PIAS1: variants seen among roughly 807,000 people sequenced by gnomAD.
PIAS1 encodes protein inhibitor of activated STAT 1, also known as E3 SUMO-protein ligase PIAS1.
PIAS1 carries 6 observed loss-of-function variants against 71.3 expected under a neutral mutation model. The ratio of observed to expected loss-of-function variants is 0.08; its 90% confidence interval spans 0.05 to 0.17. The LOEUF is 0.17. Ranked by LOEUF, PIAS1 falls within the 10% of genes least tolerant of loss-of-function variation. The probability of loss-of-function intolerance (pLI) is 1.00; values close to 1 mark genes in which losing one functional copy is unlikely to be tolerated. For missense variants in PIAS1, 555 were observed against 793.6 expected, an observed-to-expected ratio of 0.70 and a Z score of 3.61; for synonymous variants, 303 against 292.9, an observed-to-expected ratio of 1.03 and a Z score of -0.35.
intron 2 of PIAS1, among the ~76,000 whole-genome samples, chr15:68,126,418 CT>C (rs1267724345): frequency 2.0e-5 from 3 of 151,868 alleles, no homozygotes; most frequent in East Asian, 1.9e-4. Flanking sequence ...ACAGATGTTT[CT>C]TTTTTTTAAA....
chr15:68,158,357 A>G (rs932082720), intron 7 of PIAS1, among the ~76,000 whole-genome samples: 1 of 152,098 alleles, frequency 6.6e-6, no homozygotes, highest in African/African-American at 2.4e-5. Flanking sequence ...TTTGTGCTCT[A>G]TGCCTCAAAA....
intron 2 of PIAS1, among the ~76,000 whole-genome samples, chr15:68,125,270 C>T (rs755892916): frequency 1.3e-5 from 2 of 151,942 alleles, no homozygotes; most frequent in African/African-American, 2.4e-5. Flanking sequence ...TGAGGTAATT[C>T]TGTCAATTTC....
chr15:68,176,209 C>T (rs2093019331), intron 10 of PIAS1, among the ~76,000 whole-genome samples: 1 of 152,080 alleles, frequency 6.6e-6, no homozygotes, highest in South Asian at 2.1e-4. Flanking sequence ...ATACCGTCTG[C>T]TCTCAAATTA....
rs752620644 is a variant in PIAS1 at position 68,145,868 on chromosome 15, C to G, written c.655C>G (p.Leu219Val). The change falls in exon 5 of 14, where the codon CTT becomes GTT. Residue 219 changes from leucine to valine, a missense_variant. Physicochemically the swap from Leu to Val is conservative, Grantham distance 32. Coordinates refer to ENST00000249636, the MANE Select transcript of PIAS1 (RefSeq NM_016166.3). ...CPQEDHFPPN[L>V]CVKVNTKPCS... The stretch of plus-strand genomic sequence containing the variant: ...ACAAGAAGATCACTTCCCACCCAAT[C>G]TTTGTGTGAAAGTGAATACAAAACC... 1 of 1,612,192 alleles carries G rather than the reference C, an allele frequency of 6.2e-7. No homozygotes were observed. The highest frequency in any genetic ancestry group is 1.1e-5 in the South Asian group (1 of 91,028).
rs1398265292 is a variant in PIAS1 at position 68,076,422 on chromosome 15, A to G, written c.25-9884A>G. 5.3e-5 allele frequency among the ~76,000 whole-genome samples: 8 copies of G among 152,016 alleles called. No homozygotes were observed. The East Asian group carries it at 1.5e-3, about 29-fold the overall frequency. ...CTCGGGAGGCTGAGGCAGGAGAATC[A>G]CTTGAACCCAGGAGGCACAGGTTGC... is the stretch of plus-strand genomic sequence containing the variant. On this transcript the variant is annotated intron_variant, in intron 1 of 13. Transcript: ENST00000249636.
At chr15:68,079,252 A>G (rs2092202988) in intron 1 of PIAS1, among the ~76,000 whole-genome samples, 1 of 152,024 alleles carries the variant, frequency 6.6e-6, no homozygotes, top group Non-Finnish European at 1.5e-5. Flanking sequence ...AGACTAGTTT[A>G]TTTCTATGTG....
chr15:68,075,333 A>T (rs527587179), intron 1 of PIAS1, among the ~76,000 whole-genome samples: 1 of 151,862 alleles, frequency 6.6e-6, no homozygotes, highest in South Asian at 2.1e-4. Context: ...TGATCCGCCC[A>T]CCTCGGCCTC....
intron 2 of PIAS1, among the ~76,000 whole-genome samples, chr15:68,089,632 G>A (rs1258262317): frequency 2.0e-5 from 3 of 151,968 alleles, no homozygotes; most frequent in African/African-American, 4.8e-5. Context: ...TAGGCTCACT[G>A]CAACCTCCGC....
At chr15:68,069,753 G>T (rs1010020659) in intron 1 of PIAS1, among the ~76,000 whole-genome samples, 1 of 144,994 alleles carries the variant, frequency 6.9e-6, no homozygotes, top group African/African-American at 2.6e-5. Flanking sequence ...GCAGTGAGCC[G>T]ACATTGTGCC....
chr15:68,104,614 A>C (rs992052037), intron 2 of PIAS1, among the ~76,000 whole-genome samples: 1 of 152,166 alleles, frequency 6.6e-6, no homozygotes, highest in South Asian at 2.1e-4. Flanking sequence ...GGAGGTAGTG[A>C]TGATGGTGGT....
intron 7 of PIAS1, among the ~76,000 whole-genome samples, chr15:68,161,973 T>A (rs1339351608): frequency 6.6e-6 from 1 of 151,670 alleles, no homozygotes; most frequent in Non-Finnish European, 1.5e-5. Flanking sequence ...AGGATCTCAC[T>A]CTGTCACCCA....
Position 68,185,457 on chromosome 15 carries a change from G to T in PIAS1, c.1662+1790G>T, listed in dbSNP as rs1003756812. Among the ~76,000 whole-genome samples the T allele has an allele frequency of 3.9e-5, 6 of 152,220 alleles. No homozygotes were observed. The South Asian group carries it at 1.2e-3, about 31-fold the overall frequency. ...CATGGCAAACAACTTTAACCTAGAT[G>T]TAGATGAGGATGACATTGAGAAGCT... On this transcript the variant is annotated intron_variant, in intron 13 of 13. Transcript: ENST00000249636. The surrounding 1 kb of genome is among the most constrained non-coding windows in gnomAD (Gnocchi z 4.4).
rs1000802747 is a variant in PIAS1, at chr15:68,188,380, G to C, written c.*545G>C. ...TTAAGTTATAAAGCTCATCTGTCCCGCTGCATTCCCTGTGTATTTTCAGGA... is the reference window on the plus strand; with the variant it reads ...TTAAGTTATAAAGCTCATCTGTCCCCCTGCATTCCCTGTGTATTTTCAGGA... On this transcript the variant is annotated 3_prime_UTR_variant, in exon 14 of 14. Transcript: ENST00000249636. 6.5e-6 allele frequency: 1 copy of C among 153,934 alleles called. No homozygotes were observed. Among genetic ancestry groups the C allele is most frequent in the Non-Finnish European group, 1.4e-5 (1 of 69,246 alleles). 9.5% of individuals were successfully genotyped at this position (153,934 alleles called of 1,614,324 possible). A position where few individuals can be genotyped will look rare whatever the true frequency, so the allele number is the denominator to read the frequency against.
chr15:68,091,971 G>A (rs1251242686), intron 2 of PIAS1, among the ~76,000 whole-genome samples: 1 of 152,136 alleles, frequency 6.6e-6, no homozygotes, highest in Admixed American at 6.5e-5. Flanking sequence ...GCCATCTGTA[G>A]TCATATAAAA....
Position 68,174,982 on chromosome 15 carries a change from T to C in PIAS1, c.1170-655T>C, listed in dbSNP as rs1172145252. ...CTTTAGGTTCTCCCATTTCTTGTTA[T>C]AAAAGCCATGTACACACATACTCTT... On this transcript the variant is annotated intron_variant, in intron 9 of 13. Coordinates refer to ENST00000249636, the MANE Select transcript of PIAS1 (RefSeq NM_016166.3). The surrounding 1 kb of genome is among the most constrained non-coding windows in gnomAD (Gnocchi z 4.0). 2.0e-5 allele frequency among the ~76,000 whole-genome samples: 3 copies of C among 152,212 alleles called. No individual in the cohort carries two copies. In the East Asian group the frequency reaches 5.8e-4, roughly 29 times the overall value.
chr15:68,136,155 C>T lies in PIAS1; in HGVS notation c.470-5791C>T, dbSNP rs1406908666. Among the ~76,000 whole-genome samples, 78 of 48,870 alleles carry T rather than the reference C, an allele frequency of 1.6e-3. 30 individuals carry two copies. The highest frequency in any genetic ancestry group is 4.0e-3 in the Non-Finnish European group (52 of 12,846). The allele number at this position is 48,870 out of a possible 152,430, so 32.1% of individuals were successfully genotyped here. A position where few individuals can be genotyped will look rare whatever the true frequency, so the allele number is the denominator to read the frequency against. Reference sequence around the variant, plus strand: ...GCAGAGGGGCTCCTCACGTCCCAGACGATGGGTGGCCAGGCAGAGATGCTC... The same window carrying T: ...GCAGAGGGGCTCCTCACGTCCCAGATGATGGGTGGCCAGGCAGAGATGCTC... On this transcript the variant is annotated intron_variant, in intron 2 of 13. Coordinates refer to ENST00000249636, the MANE Select transcript of PIAS1 (RefSeq NM_016166.3).
intron 1 of PIAS1, among the ~76,000 whole-genome samples, chr15:68,063,062 C>A (rs892585207): frequency 1.3e-5 from 2 of 152,012 alleles, no homozygotes; most frequent in African/African-American, 4.8e-5. Context: ...TTTAATGTAA[C>A]CTCTGTAGTA....
At chr15:68,101,894 G>A (rs766114053) in intron 2 of PIAS1, among the ~76,000 whole-genome samples, 3 of 152,146 alleles carry the variant, frequency 2.0e-5, no homozygotes, top group Non-Finnish European at 4.4e-5. Context: ...GAGACTACAG[G>A]TGTGTGCCAT....
intron 8 of PIAS1, among the ~76,000 whole-genome samples, chr15:68,170,578 A>G (rs1467195273): frequency 6.6e-6 from 1 of 152,124 alleles, no homozygotes; most frequent in African/African-American, 2.4e-5. Flanking sequence ...CTTTATAAAC[A>G]CTGTACACTT....
Sources: allele counts gnomAD v4.1 joint callset (sites outside exome capture counted in the v4.1 genomes callset), GRCh38; gene constraint gnomAD v4.1.1; non-coding constraint Gnocchi (gnomAD v3.1); transcripts MANE v1.5; gene names NCBI Gene and HGNC (gene_info 2026-07-23, HGNC 2026-07-21).